GLRA3: variants seen among roughly 807,000 people sequenced by gnomAD.
GLRA3 encodes glycine receptor alpha 3.
GLRA3 carries 44 observed loss-of-function variants against 60.4 expected under a neutral mutation model. The ratio of observed to expected loss-of-function variants is 0.73; its 90% CI spans 0.57 to 0.94. The LOEUF (loss-of-function observed/expected upper bound fraction) is 0.94. Ranked by LOEUF, GLRA3 falls within the 40% of genes least tolerant of loss-of-function variation. The pLI, the probability that GLRA3 is intolerant of heterozygous loss-of-function variation, is 0.00. For missense variants in GLRA3, 508 were observed against 564.6 expected (o/e 0.90, Z 1.02); for synonymous variants, 223 against 192.9 (o/e 1.16, Z -1.29).
chr4:174,658,074 T>C (rs1043177386), intron 8 of GLRA3, among the ~76,000 whole-genome samples: 3 of 152,168 alleles, frequency 2.0e-5, no homozygotes, highest in African/African-American at 7.2e-5. Context: ...TGCAGTATAA[T>C]TTATAAAGAA....
In GLRA3 at chr4:174,757,159, T is replaced by A. The variant is rs574191338; in HGVS notation, c.267+9804A>T. Among the ~76,000 whole-genome samples the A allele has an allele frequency of 5.3e-5, 8 of 152,330 alleles. No homozygotes were observed. In the South Asian group the frequency reaches 1.7e-3, roughly 32 times the overall value. On this transcript the variant is annotated intron_variant, in intron 3 of 9. Coordinates refer to ENST00000274093, the MANE Select transcript of GLRA3 (RefSeq NM_006529.4). ...AAAATACAAAAAATTGGAAAAGTAC[T>A]AGAACTATTGAATTAAGTTATCAAG...
rs1025558418 is a variant in GLRA3, at chr4:174,641,970, C to G, written c.*1816G>C. On this transcript the variant is annotated 3_prime_UTR_variant, in exon 10 of 10. Transcript: ENST00000274093. ...GTTAAATACACACCAAATGAAGAAG[C>G]ATATGTTTAATTTTCAGGTGCACAG... 1 of 159,862 alleles carries G rather than the reference C, an allele frequency of 6.3e-6. No homozygotes were observed. Among genetic ancestry groups the G allele is most frequent in the African/African-American group, 2.4e-5 (1 of 41,546 alleles). The allele number at this position is 159,862 out of a possible 1,614,324, so 9.9% of individuals were successfully genotyped here. A position where few individuals can be genotyped will look rare whatever the true frequency, so the allele number is the denominator to read the frequency against.
At chr4:174,650,383 T>C (rs1459619677) in intron 9 of GLRA3, among the ~76,000 whole-genome samples, 1 of 152,150 alleles carries the variant, frequency 6.6e-6, no homozygotes, top group Non-Finnish European at 1.5e-5. Flanking sequence ...CATTCACTGA[T>C]TGTGCAAGTA....
chr4:174,728,094 T>A (rs559902876), intron 4 of GLRA3, among the ~76,000 whole-genome samples: 15 of 152,182 alleles, frequency 9.9e-5, no homozygotes, highest in Admixed American at 2.6e-4. Context: ...AGAATGTATC[T>A]CAGATGAGAA....
chr4:174,790,477 T>C (rs1171071954), intron 1 of GLRA3, among the ~76,000 whole-genome samples: 1 of 151,874 alleles, frequency 6.6e-6, no homozygotes, highest in Non-Finnish European at 1.5e-5. Context: ...AAGAAGCATT[T>C]GTTTATATTC....
At chr4:174,801,633 T>A (rs1265968653) in intron 1 of GLRA3, among the ~76,000 whole-genome samples, 1 of 152,078 alleles carries the variant, frequency 6.6e-6, no homozygotes, top group Non-Finnish European at 1.5e-5. Flanking sequence ...TCTAATTTTA[T>A]CCATAATTCA....
intron 1 of GLRA3, among the ~76,000 whole-genome samples, chr4:174,801,381 A>T (rs923609270): frequency 6.6e-6 from 1 of 152,096 alleles, no homozygotes; most frequent in Non-Finnish European, 1.5e-5. Flanking sequence ...ATCTCGAGCT[A>T]TGAATTCCCC....
chr4:174,790,362 A>C (rs1739278410), intron 1 of GLRA3, among the ~76,000 whole-genome samples: 1 of 151,504 alleles, frequency 6.6e-6, no homozygotes, highest in African/African-American at 2.4e-5. Context: ...CTAATACAAA[A>C]ATCATTATAA....
At chr4:174,648,667 C>A (rs1179341298) in intron 9 of GLRA3, among the ~76,000 whole-genome samples, 2 of 152,064 alleles carry the variant, frequency 1.3e-5, no homozygotes, top group Non-Finnish European at 2.9e-5. Flanking sequence ...TTAGGAGAGT[C>A]CTTAGGCATG....
At chr4:174,823,115 C>A (rs1031918414) in intron 1 of GLRA3, among the ~76,000 whole-genome samples, 4 of 152,102 alleles carry the variant, frequency 2.6e-5, no homozygotes, top group Non-Finnish European at 4.4e-5. Flanking sequence ...TTGGTTCTGT[C>A]TTTGAATTTC....
intron 3 of GLRA3, among the ~76,000 whole-genome samples, chr4:174,764,244 GAATAACCTCA>G (rs942461362): frequency 9.7e-5 from 14 of 144,638 alleles, no homozygotes; most frequent in Non-Finnish European, 1.5e-5. Flanking sequence ...AAGGATTAAA[GAATAACCTCA>G]AATGGGAGAG....
At chr4:174,794,077 T>C (rs1045872633) in intron 1 of GLRA3, among the ~76,000 whole-genome samples, 6 of 152,170 alleles carry the variant, frequency 3.9e-5, no homozygotes, top group African/African-American at 1.4e-4. Flanking sequence ...TTTCTAGTTT[T>C]CATTAACTCA....
chr4:174,700,928 G>A (rs1385417089), intron 5 of GLRA3, among the ~76,000 whole-genome samples: 1 of 152,156 alleles, frequency 6.6e-6, no homozygotes, highest in Non-Finnish European at 1.5e-5. Context: ...TGAGGATTAA[G>A]CAAAGAAGCC....
intron 1 of GLRA3, among the ~76,000 whole-genome samples, chr4:174,801,910 T>A (rs1739826755): frequency 6.6e-6 from 1 of 152,096 alleles, no homozygotes; most frequent in Admixed American, 6.6e-5. Flanking sequence ...TATATGTCTA[T>A]CTGCCTCCTT....
intron 5 of GLRA3, among the ~76,000 whole-genome samples, chr4:174,709,925 A>T (rs1735649543): frequency 6.6e-6 from 1 of 151,172 alleles, no homozygotes; most frequent in Non-Finnish European, 1.5e-5. Flanking sequence ...CAGCTAATAC[A>T]TTTTTATACC....
intron 1 of GLRA3, among the ~76,000 whole-genome samples, chr4:174,798,274 C>T (rs2111332579): frequency 6.6e-6 from 1 of 152,264 alleles, no homozygotes; most frequent in East Asian, 1.9e-4. Context: ...TATGTATTCA[C>T]TACCTCCGTG....
In GLRA3 at chr4:174,762,530, A is replaced by G. The variant is rs1737980674; in HGVS notation, c.267+4433T>C. ...TTTAAGTACTGGAAGGCATAGGGTT[A>G]GAGAAATCACATATTAATGCTGTAG... On this transcript the variant is annotated intron_variant, in intron 3 of 9. Transcript: ENST00000274093. Among the ~76,000 whole-genome samples the G allele has an allele frequency of 2.0e-5, 3 of 152,290 alleles. No homozygotes were observed. The South Asian group carries it at 6.2e-4, about 32-fold the overall frequency.
chr4:174,745,340 T>A (rs959827372), intron 3 of GLRA3, among the ~76,000 whole-genome samples: 4 of 152,182 alleles, frequency 2.6e-5, no homozygotes, highest in African/African-American at 9.7e-5. Context: ...CGTGACACTT[T>A]ATAGGCACAC....
At chr4:174,742,799 C>A (rs1737077601) in intron 3 of GLRA3, among the ~76,000 whole-genome samples, 1 of 152,098 alleles carries the variant, frequency 6.6e-6, no homozygotes, top group African/African-American at 2.4e-5. Flanking sequence ...CATTCTTTTT[C>A]TTGAGATTCC....
Sources: gnomAD v4.1 joint callset for allele counts (sites outside exome capture counted in the v4.1 genomes callset) on GRCh38, gnomAD v4.1.1 for gene constraint, MANE v1.5 for transcripts, NCBI Gene and HGNC (gene_info 2026-07-23, HGNC 2026-07-21) for gene names.